ZHX2: variants seen among roughly 807,000 people sequenced by gnomAD.
The protein encoded by ZHX2 is zinc fingers and homeoboxes protein 2.
ZHX2 carries 6 observed loss-of-function variants against 21.9 expected under a neutral mutation model. The ratio of observed to expected loss-of-function variants is 0.27; its 90% CI spans 0.15 to 0.54. The LOEUF is 0.54. Ranked by LOEUF, ZHX2 falls within the 20% of genes least tolerant of loss-of-function variation. The pLI is 0.95. For synonymous variants in ZHX2, 434 were observed against 437.1 expected, an observed-to-expected ratio of 0.99 and a Z score of 0.09; for missense variants, 908 against 1,090.7, an observed-to-expected ratio of 0.83 and a Z score of 2.36.
intron 2 of ZHX2, among the ~76,000 whole-genome samples, chr8:122,911,670 C>T (rs751584517): frequency 5.3e-5 from 8 of 152,102 alleles, no homozygotes; most frequent in East Asian, 1.9e-4. Context: ...CAAGAAGGAC[C>T]GAGGTTTCAT....
intron 2 of ZHX2, among the ~76,000 whole-genome samples, chr8:122,879,691 A>G (rs765104816): frequency 1.3e-5 from 2 of 151,616 alleles, no homozygotes; most frequent in Non-Finnish European, 2.9e-5. Context: ...CCCTATTTCT[A>G]CCTCTGCCAC....
intron 1 of ZHX2, among the ~76,000 whole-genome samples, chr8:122,826,369 C>G (rs748172718): frequency 4.6e-5 from 7 of 152,166 alleles, no homozygotes; most frequent in Non-Finnish European, 1.0e-4. Context: ...AGACACTGTA[C>G]CAGGCGGGGG....
At chr8:122,912,839 T>C (rs141578564) in intron 2 of ZHX2, among the ~76,000 whole-genome samples, 52 of 151,902 alleles carry the variant, frequency 3.4e-4, no homozygotes, top group Admixed American at 9.2e-4. Context: ...CAAGAAGAGG[T>C]AGGAATTTAG....
At chr8:122,911,052 C>A (rs1041924171) in intron 2 of ZHX2, among the ~76,000 whole-genome samples, 21 of 152,172 alleles carry the variant, frequency 1.4e-4, no homozygotes, top group Non-Finnish European at 2.9e-4. Flanking sequence ...ATACACCCTG[C>A]ATAGTGAAAG....
intron 1 of ZHX2, among the ~76,000 whole-genome samples, chr8:122,796,800 T>C (rs1817621149): frequency 1.3e-5 from 2 of 152,106 alleles, no homozygotes; most frequent in Admixed American, 1.3e-4. Flanking sequence ...TCCTATATAG[T>C]GACAAGACAA....
intron 1 of ZHX2, among the ~76,000 whole-genome samples, chr8:122,852,059 A>G (rs763138789): frequency 6.6e-6 from 1 of 152,072 alleles, no homozygotes; most frequent in Non-Finnish European, 1.5e-5. Flanking sequence ...GGATGATACG[A>G]CTTGAGGTGG....
intron 2 of ZHX2, among the ~76,000 whole-genome samples, chr8:122,884,452 G>T (rs79175219): frequency 6.6e-6 from 1 of 152,240 alleles, no homozygotes; most frequent in Non-Finnish European, 1.5e-5. Context: ...TGTCTCAGAA[G>T]AAAGTTCATT....
intron 2 of ZHX2, among the ~76,000 whole-genome samples, chr8:122,902,850 A>G (rs539964274): frequency 5.9e-4 from 90 of 152,318 alleles, no homozygotes; most frequent in African/African-American, 1.9e-3. Flanking sequence ...TTGAAATGAA[A>G]AACAAGTCTG....
intron 2 of ZHX2, among the ~76,000 whole-genome samples, chr8:122,891,270 TTGTGTGTGTGTG>T (rs59893492): frequency 1.7e-3 from 133 of 77,732 alleles, no homozygotes; most frequent in Middle Eastern, 8.1e-3. Flanking sequence ...TCTTGGTAGA[TTGTGTGTGTGTG>T]TGTGTGTGTG....
chr8:122,949,671 C>G (rs573017064), intron 2 of ZHX2, among the ~76,000 whole-genome samples: 5 of 151,974 alleles, frequency 3.3e-5, no homozygotes, highest in South Asian at 4.2e-4. Context: ...TGGCAAAACC[C>G]CTGGACAACA....
intron 2 of ZHX2, among the ~76,000 whole-genome samples, chr8:122,893,773 T>C (rs1004964589): frequency 6.6e-6 from 1 of 152,246 alleles, no homozygotes; most frequent in Non-Finnish European, 1.5e-5. Context: ...CTTGCTGAAT[T>C]TCTTTAAGAT....
chr8:122,929,544 G>A lies in ZHX2; in HGVS notation c.-219-21748G>A, dbSNP rs140544562. On this transcript the variant is annotated intron_variant, in intron 2 of 3. Transcript: ENST00000314393. ...TGTAATGCCAGCTACTCGAGAGGCT[G>A]AGGCATGAGAAAAGCTTGACTCCAG... is the stretch of plus-strand genomic sequence containing the variant. Among the ~76,000 whole-genome samples the A allele has an allele frequency of 5.1e-4, 77 of 152,068 alleles. 1 individual carries two copies. The East Asian group carries it at 0.015, about 29-fold the overall frequency.
intron 1 of ZHX2, among the ~76,000 whole-genome samples, chr8:122,804,118 A>C (rs555130179): frequency 3.8e-4 from 57 of 151,972 alleles, no homozygotes; most frequent in Non-Finnish European, 7.5e-4. Flanking sequence ...TTATATATTT[A>C]TTTATTTTTT....
chr8:122,927,178 G>C (rs913702918), intron 2 of ZHX2, among the ~76,000 whole-genome samples: 2 of 152,132 alleles, frequency 1.3e-5, no homozygotes, highest in Non-Finnish European at 2.9e-5. Flanking sequence ...TGTTGTATTA[G>C]TCTGTTCTCA....
chr8:122,931,430 T>C (rs1280248118), intron 2 of ZHX2, among the ~76,000 whole-genome samples: 2 of 152,066 alleles, frequency 1.3e-5, no homozygotes, highest in Non-Finnish European at 2.9e-5. Flanking sequence ...AGAGAGCAGG[T>C]AGATAATGTT....
At chr8:122,810,429 A>G (rs1817903839) in intron 1 of ZHX2, 1 of 152,262 alleles carries the variant, frequency 6.6e-6, no homozygotes, top group South Asian at 2.1e-4. Flanking sequence ...AGCTGGGAAC[A>G]ATAGTGAACA....
intron 1 of ZHX2, among the ~76,000 whole-genome samples, chr8:122,818,511 G>T (rs565523613): frequency 2.6e-5 from 4 of 151,860 alleles, no homozygotes; most frequent in African/African-American, 9.7e-5. Context: ...CTAGTTTCTC[G>T]CCCCTCAGAT....
chr8:122,926,289 C>T (rs915239227), intron 2 of ZHX2, among the ~76,000 whole-genome samples: 5 of 152,136 alleles, frequency 3.3e-5, no homozygotes, highest in African/African-American at 1.2e-4. Context: ...GGGTTGAGGG[C>T]CCTGCCTGGA....
chr8:122,874,477 G>T (rs974966710), intron 2 of ZHX2, among the ~76,000 whole-genome samples: 2 of 151,086 alleles, frequency 1.3e-5, no homozygotes, highest in African/African-American at 4.8e-5. Flanking sequence ...GGGATTACAG[G>T]CATGCACCAC....
Sources: allele counts gnomAD v4.1 joint callset (sites outside exome capture counted in the v4.1 genomes callset), GRCh38; gene constraint gnomAD v4.1.1; transcripts MANE v1.5; gene names NCBI Gene and HGNC (gene_info 2026-07-23, HGNC 2026-07-21).